Variants in ZMYND8 observed in about 807,000 individuals in gnomAD.
The protein encoded by ZMYND8 is zinc finger MYND-type containing 8, also known as MYND-type zinc finger-containing chromatin reader ZMYND8.
A neutral mutation model predicts 140.8 loss-of-function variants in ZMYND8; 37 were observed. That is an observed-to-expected ratio of 0.26 (90% CI 0.20 to 0.35). The LOEUF is 0.35. Among genes scored for constraint, ZMYND8 ranks in the 10% least tolerant of loss-of-function variants. ZMYND8 has a pLI of 1.00. For synonymous variants in ZMYND8, 592 were observed against 597.1 expected, an observed-to-expected ratio of 0.99 and a Z score of 0.12; for missense variants, 1,068 against 1,570.0, an observed-to-expected ratio of 0.68 and a Z score of 5.40.
chr20:47,349,947 G>GT, intron 1 of ZMYND8: 1 of 1,535,186 alleles, frequency 6.5e-7, no homozygotes, highest in East Asian at 2.4e-5. Flanking sequence ...TATTTGGCTT[G>GT]TAACAGCCTA....
At chr20:47,338,533 ACAT>A (rs765916590) in intron 2 of ZMYND8, among the ~76,000 whole-genome samples, 18 of 152,124 alleles carry the variant, frequency 1.2e-4, no homozygotes, top group Non-Finnish European at 2.4e-4. Flanking sequence ...AGCTTCACAG[ACAT>A]CATATTTTCA....
At chr20:47,297,227 T>G (rs1211487104) in intron 4 of ZMYND8, among the ~76,000 whole-genome samples, 1 of 152,160 alleles carries the variant, frequency 6.6e-6, no homozygotes, top group African/African-American at 2.4e-5. Context: ...AGGACACCAT[T>G]ACAATATCAT....
chr20:47,210,992 C>T (rs2035164906), intron 22 of ZMYND8, 95 bp from the exon 23 acceptor site: 1 of 1,515,412 alleles, frequency 6.6e-7, no homozygotes, highest in African/African-American at 1.4e-5. Flanking sequence ...CACAGGAAAC[C>T]ACCTTCCCCT....
intron 13 of ZMYND8, among the ~76,000 whole-genome samples, chr20:47,246,939 G>GAGGCC (rs1448761345): frequency 6.6e-6 from 1 of 152,110 alleles, no homozygotes; most frequent in Non-Finnish European, 1.5e-5. Context: ...ACACAAGACA[G>GAGGCC]AGGCCAGGCC....
rs189817319 is a variant in ZMYND8, at chr20:47,299,495, T to C, written c.235-548A>G. On this transcript the variant is annotated intron_variant, in intron 3 of 22. Transcript: ENST00000471951. Reference sequence around the variant, plus strand: ...CCAATAAAAGCATAGTAGTTTGCCCTGGGATTCTTCAAATGGCAGACATTT... The same window carrying C: ...CCAATAAAAGCATAGTAGTTTGCCCCGGGATTCTTCAAATGGCAGACATTT... 3.3e-5 allele frequency among the ~76,000 whole-genome samples: 5 copies of C among 152,354 alleles called. No individual in the cohort carries two copies. The East Asian group carries it at 9.6e-4, about 29-fold the overall frequency.
intron 14 of ZMYND8, among the ~76,000 whole-genome samples, chr20:47,244,253 C>T (rs1489432558): frequency 2.0e-5 from 3 of 152,240 alleles, no homozygotes; most frequent in Admixed American, 6.5e-5. Context: ...TAGGCACAGT[C>T]AAGATTTAAA....
chr20:47,227,337 G>A, intron 17 of ZMYND8, 56 bp from the exon 18 acceptor site: 1 of 1,561,128 alleles, frequency 6.4e-7, no homozygotes, highest in East Asian at 2.2e-5. Context: ...TCACCAGGAG[G>A]GCTCAGAAGC....
At chr20:47,352,653 G>C in intron 1 of ZMYND8, 1 of 599,832 alleles carries the variant, frequency 1.7e-6, no homozygotes, top group Non-Finnish European at 2.1e-6. Context: ...GTTTCAAGGT[G>C]ACTGCTTTTT....
intron 2 of ZMYND8, among the ~76,000 whole-genome samples, chr20:47,314,071 C>T (rs1456600179): frequency 6.6e-6 from 1 of 151,030 alleles, no homozygotes; most frequent in Non-Finnish European, 1.5e-5. Context: ...CAACAAAGCT[C>T]GACTTGGGGA....
intron 12 of ZMYND8, among the ~76,000 whole-genome samples, chr20:47,251,683 G>C (rs917805927): frequency 6.6e-6 from 1 of 152,130 alleles, no homozygotes; most frequent in East Asian, 1.9e-4. Context: ...AGAAATTATA[G>C]GGTAAAATAA....
At chr20:47,231,471 A>G (rs976757236) in intron 16 of ZMYND8, among the ~76,000 whole-genome samples, 67 of 152,358 alleles carry the variant, frequency 4.4e-4, no homozygotes, top group African/African-American at 1.5e-3. Context: ...AAAACCACGC[A>G]AACACTGCAG....
chr20:47,308,067 G>C (rs981907518), intron 3 of ZMYND8, among the ~76,000 whole-genome samples: 6 of 147,124 alleles, frequency 4.1e-5, no homozygotes, highest in African/African-American at 1.5e-4. Context: ...GCAATGAGCC[G>C]AGATCACACC....
At chr20:47,248,541 C>A (rs957629840) in intron 13 of ZMYND8, among the ~76,000 whole-genome samples, 2 of 152,076 alleles carry the variant, frequency 1.3e-5, no homozygotes, top group African/African-American at 4.8e-5. Context: ...AAATGCCCTC[C>A]TAGCTTTACT....
At chr20:47,327,854 G>A (rs903846482) in intron 2 of ZMYND8, among the ~76,000 whole-genome samples, 4 of 151,956 alleles carry the variant, frequency 2.6e-5, no homozygotes, top group East Asian at 1.9e-4. Context: ...TTGCTCCGTC[G>A]CCCAGCCTGG....
intron 3 of ZMYND8, among the ~76,000 whole-genome samples, chr20:47,301,698 T>C (rs529817975): frequency 3.3e-5 from 5 of 152,222 alleles, no homozygotes; most frequent in African/African-American, 1.2e-4. Context: ...AGCACTAACA[T>C]GAAGCCACAA....
At chr20:47,352,577 T>C in intron 1 of ZMYND8, 2 of 978,512 alleles carry the variant, frequency 2.0e-6, no homozygotes, top group Non-Finnish European at 2.4e-6. Context: ...CCTGAGTGGA[T>C]AACGTCATTT....
chr20:47,343,630 G>A (rs1045252481), intron 2 of ZMYND8, among the ~76,000 whole-genome samples: 2 of 152,090 alleles, frequency 1.3e-5, no homozygotes, highest in Admixed American at 1.3e-4. Context: ...TTCTGCTTCA[G>A]TCTCCCAAGT....
intron 21 of ZMYND8, among the ~76,000 whole-genome samples, chr20:47,218,595 G>A (rs1057425310): frequency 2.0e-5 from 3 of 152,148 alleles, no homozygotes; most frequent in East Asian, 1.9e-4. Context: ...GGGAGCATGC[G>A]GCTAAAATCT....
chr20:47,327,054 T>C (rs966094205), intron 2 of ZMYND8, among the ~76,000 whole-genome samples: 2 of 152,050 alleles, frequency 1.3e-5, no homozygotes, highest in Non-Finnish European at 2.9e-5. Flanking sequence ...TCAGCCTTAT[T>C]AGGAAGAGAG....
Sources: gnomAD v4.1 joint callset for allele counts (sites outside exome capture counted in the v4.1 genomes callset) on GRCh38, gnomAD v4.1.1 for gene constraint, MANE v1.5 for transcripts, NCBI Gene and HGNC (gene_info 2026-07-23, HGNC 2026-07-21) for gene names.